The following PDIA6 variants were observed in gnomAD, a reference collection of about 807,000 sequenced individuals.
PDIA6 encodes the protein protein disulfide isomerase family A member 6.
In PDIA6, 29 loss-of-function variants were observed where a neutral mutation model predicts 58.4. The observed-to-expected ratio is 0.50, with a 90% CI of 0.37 to 0.68. The LOEUF is 0.68. PDIA6 is among the 30% of genes least tolerant of loss of function. The pLI, the probability that PDIA6 is intolerant of heterozygous loss-of-function variation, is 0.00. For missense variants in PDIA6, 480 were observed against 551.0 expected, an observed-to-expected ratio of 0.87 and a Z score of 1.29; for synonymous variants, 192 against 202.6, an observed-to-expected ratio of 0.95 and a Z score of 0.44.
intron 12 of PDIA6, 91 bp from the exon 13 acceptor site, chr2:10,784,417 A>G: frequency 1.1e-6 from 1 of 945,918 alleles, no homozygotes; most frequent in South Asian, 1.6e-5. Flanking sequence ...GACTCTCTGG[A>G]GCTACTCCTG....
At chr2:10,787,520 A>G (rs183751686) in intron 10 of PDIA6, 81 bp from the exon 11 acceptor site, 13 of 1,244,736 alleles carry the variant, frequency 1.0e-5, no homozygotes, top group Non-Finnish European at 1.3e-5. Context: ...AGAGAACAAA[A>G]GATCACGCTT....
intron 1 of PDIA6, among the ~76,000 whole-genome samples, chr2:10,830,945 T>C (rs866506871): frequency 3.7e-4 from 57 of 152,234 alleles, no homozygotes; most frequent in African/African-American, 1.3e-3. Flanking sequence ...CCACTTAGCC[T>C]CTCTGTCTCC....
intron 11 of PDIA6, 34 bp downstream of exon 11, chr2:10,787,235 CCAAACAAACAGA>C (rs1665808477): frequency 6.4e-7 from 1 of 1,563,080 alleles, no homozygotes; most frequent in Non-Finnish European, 8.8e-7. Flanking sequence ...TACAACAGAA[CCAAACAAACAGA>C]CAAAACAACA....
chr2:10,827,144 A>G (rs536953760), intron 1 of PDIA6, among the ~76,000 whole-genome samples: 3 of 151,992 alleles, frequency 2.0e-5, no homozygotes, highest in African/African-American at 7.2e-5. Flanking sequence ...GCTCACTGCA[A>G]CCTCCGCCTC....
intron 11 of PDIA6, among the ~76,000 whole-genome samples, chr2:10,785,760 CT>C (rs931671839): frequency 6.6e-6 from 1 of 152,226 alleles, no homozygotes; most frequent in Admixed American, 6.5e-5. Flanking sequence ...AAGTCACACT[CT>C]TTTGCCCAGG....
rs905637635 is a variant in PDIA6, at chr2:10,787,435, G to A, written c.1003C>T (p.Leu335=). 1.9e-6 allele frequency: 3 copies of A among 1,610,146 alleles called. No homozygotes were observed. Among genetic ancestry groups the A allele is most frequent in the Non-Finnish European group, 1.7e-6 (2 of 1,178,026 alleles). ...DKYKKKMWGW[L]WTEAGAQSEL... ...GACTGGGCTCCAGCTTCTGTCCACA[G>A]CCACCTAGAAAACCAGACTGGTTTT... The change falls in exon 11 of 13, where the codon CTG becomes TTG. Residue 335 remains leucine, a synonymous_variant. Transcript: ENST00000272227.
intron 1 of PDIA6, among the ~76,000 whole-genome samples, chr2:10,829,976 G>C (rs1734442): frequency 0.67 from 101,489 of 152,166 alleles, 34,132 homozygotes; most frequent in East Asian, 0.8. Context: ...CTTCAAGCGT[G>C]TTGCATGGAA....
intron 1 of PDIA6, among the ~76,000 whole-genome samples, chr2:10,829,335 C>A (rs1363071466): frequency 6.6e-6 from 1 of 152,226 alleles, no homozygotes; most frequent in African/African-American, 2.4e-5. Flanking sequence ...GCTTCAGGAG[C>A]ACCCGTGCCT....
chr2:10,813,389 C>G (rs1290504287), upstream of PDIA6, among the ~76,000 whole-genome samples: 1 of 152,250 alleles, frequency 6.6e-6, no homozygotes. Context: ...AAGCGGTAGC[C>G]TCCTCGCTGA....
At chr2:10,812,385 G>C (rs959257464) in intron 1 of PDIA6, among the ~76,000 whole-genome samples, 3 of 136,968 alleles carry the variant, frequency 2.2e-5, no homozygotes, top group Non-Finnish European at 5.0e-5. Flanking sequence ...GCCGGGGCTG[G>C]GCTCCGCGGC....
intron 11 of PDIA6, among the ~76,000 whole-genome samples, chr2:10,786,043 C>T (rs747351943): frequency 1.3e-5 from 2 of 152,128 alleles, no homozygotes; most frequent in Non-Finnish European, 2.9e-5. Flanking sequence ...ACCCCCTTGG[C>T]CAGGCGTGGT....
Position 10,802,514 on chromosome 2 carries a change from T to C in PDIA6, c.146A>G (p.Glu49Gly). The C allele has an allele frequency of 7.1e-7, 1 of 1,408,832 alleles. No individual in the cohort carries two copies. The highest frequency in any genetic ancestry group is 1.5e-5 in the African/African-American group (1 of 67,960). 87.3% of individuals were successfully genotyped at this position (1,408,832 alleles called of 1,614,324 possible). A position where few individuals can be genotyped will look rare whatever the true frequency, so the allele number is the denominator to read the frequency against. ...VIQSDSLWLV[E>G]FYAPWCGHCQ... ...TAATACTTACCATGGAGCATAGAAT[T>C]CTACAAGCCACAAACTATCACTCTG... The change falls in exon 2 of 13, where the codon GAA becomes GGA. Residue 49 changes from glutamate (E) to glycine (G), a missense_variant. Coordinates refer to ENST00000272227, the MANE Select transcript of PDIA6 (RefSeq NM_005742.4).
intron 10 of PDIA6, among the ~76,000 whole-genome samples, chr2:10,787,719 C>T (rs1010448975): frequency 1.3e-5 from 2 of 152,000 alleles, no homozygotes; most frequent in Non-Finnish European, 2.9e-5. Context: ...CAACAGGGGG[C>T]GCTAGGTACC....
chr2:10,794,462 A>G (rs1666176907), intron 4 of PDIA6, among the ~76,000 whole-genome samples: 1 of 41,904 alleles, frequency 2.4e-5, no homozygotes, highest in Non-Finnish European at 7.5e-5. Context: ...AAAAAAAAAA[A>G]TCTTTCTTTT....
Position 10,794,378 on chromosome 2 carries a change from G to A in PDIA6, c.347-1176C>T, listed in dbSNP as rs910445890. ...GGAGAATCACCTGAACCCAGGAGAC[G>A]GAGGCTGCAGTGAGCTGACATCGCG... On this transcript the variant is annotated intron_variant, in intron 4 of 12. Coordinates refer to ENST00000272227, the MANE Select transcript of PDIA6 (RefSeq NM_005742.4). Among the ~76,000 whole-genome samples the A allele has an allele frequency of 3.3e-5, 5 of 151,070 alleles. No homozygotes were observed. The East Asian group carries it at 5.9e-4, about 18-fold the overall frequency.
Position 10,801,359 on chromosome 2 carries a change from T to C in PDIA6, c.161+1140A>G, listed in dbSNP as rs115394686. The stretch of plus-strand genomic sequence containing the variant: ...CTCTGCCAGTGTAATAATGATTAAC[T>C]AGTGGATCTAGATCCTGCCTTCTCA... On this transcript the variant is annotated intron_variant, in intron 2 of 12. Coordinates refer to ENST00000272227, the MANE Select transcript of PDIA6 (RefSeq NM_005742.4). Among the ~76,000 whole-genome samples, 679 of 152,312 alleles carry C rather than the reference T, an allele frequency of 4.5e-3. 12 individuals carry two copies. Among genetic ancestry groups the C allele is most frequent in the African/African-American group, 0.016 (665 of 41,574 alleles).
rs950452062 is a variant in PDIA6, at chr2:10,784,972, T to C, written c.1216A>G (p.Ile406Val). Residue 406 changes from isoleucine to valine, a missense_variant, in exon 12 of 13, where the codon ATC becomes GTC. Ile to Val is a conservative substitution (Grantham distance 29). Transcript: ENST00000272227. ...CCGTCCCAAGGCTCTCTCTCAACGA[T>C]GGTAGGGAAAGCCCCGCCTCCTACA... is the stretch of plus-strand genomic sequence containing the variant. ...APVGGGAFPT[I>V]VEREPWDGRD... is the part of the protein sequence containing the mutation. 6.3e-6 allele frequency: 10 copies of C among 1,592,892 alleles called. No homozygotes were observed. The highest frequency in any genetic ancestry group is 5.4e-5 in the African/African-American group (4 of 74,576).
chr2:10,785,147 C>T, intron 11 of PDIA6, 117 bp from the exon 12 acceptor site: 1 of 698,382 alleles, frequency 1.4e-6, no homozygotes, highest in East Asian at 2.7e-5. Flanking sequence ...GGCATTTCTT[C>T]TCTCTTGCTG....
intron 2 of PDIA6, among the ~76,000 whole-genome samples, chr2:10,818,867 C>T (rs1210482757): frequency 6.6e-6 from 1 of 152,040 alleles, no homozygotes; most frequent in Non-Finnish European, 1.5e-5. Flanking sequence ...TAAATGCGCT[C>T]ACATCGTTGT....
Sources: allele counts gnomAD v4.1 joint callset (sites outside exome capture counted in the v4.1 genomes callset), GRCh38; gene constraint gnomAD v4.1.1; transcripts MANE v1.5; gene names NCBI Gene and HGNC (gene_info 2026-07-23, HGNC 2026-07-21).